The following RALGPS2 variants were observed in gnomAD, a reference collection of about 807,000 sequenced individuals.
The protein encoded by RALGPS2 is ras-specific guanine nucleotide-releasing factor RalGPS2.
In RALGPS2, 43 loss-of-function variants were observed where a neutral mutation model predicts 86.8. That is an observed-to-expected ratio of 0.50 (90% CI 0.39 to 0.64). RALGPS2 has a LOEUF of 0.64. RALGPS2 is among the 30% of genes least tolerant of loss of function. The pLI is 0.00. For missense variants in RALGPS2, 536 were observed against 694.6 expected, an observed-to-expected ratio of 0.77 and a Z score of 2.57; for synonymous variants, 243 against 231.3, an observed-to-expected ratio of 1.05 and a Z score of -0.46.
At chr1:178,785,495 A>G in intron 3 of RALGPS2, 62 bp from the exon 4 acceptor site, 2 of 1,478,704 alleles carry the variant, frequency 1.4e-6, no homozygotes, top group South Asian at 2.8e-5. Flanking sequence ...ATTTTAATTT[A>G]GGTTACATGT....
intron 16 of RALGPS2, among the ~76,000 whole-genome samples, chr1:178,896,807 CT>C (rs1258317932): frequency 6.7e-6 from 1 of 149,250 alleles, no homozygotes; most frequent in African/African-American, 2.5e-5. Flanking sequence ...TTTTTTATGG[CT>C]GCATAGTATT....
intron 8 of RALGPS2, among the ~76,000 whole-genome samples, chr1:178,863,751 A>G (rs1658190768): frequency 6.6e-6 from 1 of 152,214 alleles, no homozygotes; most frequent in African/African-American, 2.4e-5. Flanking sequence ...TAGAAGGAAG[A>G]AGATGCCAGT....
intron 8 of RALGPS2, among the ~76,000 whole-genome samples, chr1:178,864,682 C>G (rs1268191025): frequency 6.6e-6 from 1 of 152,056 alleles, no homozygotes; most frequent in Non-Finnish European, 1.5e-5. Context: ...TTATTCCTGT[C>G]TCAAGAATAG....
intron 8 of RALGPS2, among the ~76,000 whole-genome samples, chr1:178,834,022 T>A (rs1217890788): frequency 6.6e-6 from 1 of 152,194 alleles, no homozygotes; most frequent in African/African-American, 2.4e-5. Flanking sequence ...GACAGTTCTG[T>A]ATTTCGCATC....
At chr1:178,903,774 C>T (rs1480226229) in intron 18 of RALGPS2, among the ~76,000 whole-genome samples, 3 of 152,118 alleles carry the variant, frequency 2.0e-5, no homozygotes, top group Non-Finnish European at 4.4e-5. Flanking sequence ...GGGTTGGTTC[C>T]ATGATTTTGC....
chr1:178,727,984 C>T (rs536154573), intron 1 of RALGPS2, among the ~76,000 whole-genome samples: 2 of 152,108 alleles, frequency 1.3e-5, no homozygotes, highest in African/African-American at 4.8e-5. Flanking sequence ...TATTGCCTAG[C>T]GAACAAAAAC....
chr1:178,905,674 C>T (rs1032801951), intron 18 of RALGPS2, among the ~76,000 whole-genome samples: 3 of 152,084 alleles, frequency 2.0e-5, no homozygotes, highest in Non-Finnish European at 2.9e-5. Context: ...ATAAAAAGAA[C>T]TTAGGTCAAT....
chr1:178,800,140 T>A (rs372945662), intron 4 of RALGPS2, among the ~76,000 whole-genome samples: 6 of 152,100 alleles, frequency 3.9e-5, no homozygotes, highest in African/African-American at 1.4e-4. Flanking sequence ...AGGAAGAAGA[T>A]GTAGAAAAAG....
intron 8 of RALGPS2, among the ~76,000 whole-genome samples, chr1:178,855,672 C>T (rs911324204): frequency 2.6e-5 from 4 of 151,748 alleles, no homozygotes; most frequent in East Asian, 1.9e-4. Flanking sequence ...TCTTTGCATT[C>T]GTTATAAACA....
At chr1:178,751,892 G>A (rs536614888) in intron 1 of RALGPS2, among the ~76,000 whole-genome samples, 8 of 152,148 alleles carry the variant, frequency 5.3e-5, no homozygotes, top group Non-Finnish European at 1.2e-4. Context: ...AAAGACCAGA[G>A]GGATCTTTAC....
At chr1:178,786,955 G>A (rs1051206387) in intron 4 of RALGPS2, among the ~76,000 whole-genome samples, 6 of 151,782 alleles carry the variant, frequency 4.0e-5, no homozygotes, top group African/African-American at 1.2e-4. Flanking sequence ...CGAAATGATC[G>A]TCAGTTCCCA....
chr1:178,764,155 GGT>G (rs35671528), intron 1 of RALGPS2, among the ~76,000 whole-genome samples: 94,501 of 151,614 alleles, frequency 0.62, 30,074 homozygotes, highest in African/African-American at 0.77. Context: ...TCCTGTTTTG[GGT>G]GTGTGTATAT....
In RALGPS2 at chr1:178,883,474, T is replaced by A; in HGVS notation, c.845T>A (p.Leu282Ter). 6.2e-7 allele frequency: 1 copy of A among 1,611,392 alleles called. No individual in the cohort carries two copies. The highest frequency in any genetic ancestry group is 8.5e-7 in the Non-Finnish European group (1 of 1,177,528). The stretch of plus-strand genomic sequence containing the variant: ...GTCTTTTTAAAATTCAGGCTTTCAT[T>A]AAAGATAGAACCAGGGACAAGCACC... ...FVEDDNYKLS[L>*]KIEPGTSTPR... The change falls in exon 11 of 20, where the codon TTA (leucine) becomes TAA (stop). Residue 282 changes from leucine to a stop codon, truncating the protein, a stop_gained. Transcript: ENST00000367635. LOFTEE classifies it high-confidence loss of function.
At chr1:178,803,165 C>T (rs1221036535) in intron 4 of RALGPS2, among the ~76,000 whole-genome samples, 5 of 151,936 alleles carry the variant, frequency 3.3e-5, no homozygotes, top group Admixed American at 2.6e-4. Flanking sequence ...TCTTTGACCT[C>T]GTGATTTCTT....
chr1:178,817,319 T>C (rs1237845093), intron 6 of RALGPS2, among the ~76,000 whole-genome samples: 1 of 135,690 alleles, frequency 7.4e-6, no homozygotes, highest in Non-Finnish European at 1.5e-5. Flanking sequence ...CACTCCAGCC[T>C]GGGCGACAGA....
chr1:178,909,087 G>T (rs1226157898), intron 19 of RALGPS2, among the ~76,000 whole-genome samples: 1 of 152,140 alleles, frequency 6.6e-6, no homozygotes, highest in Non-Finnish European at 1.5e-5. Context: ...TGTATACAGT[G>T]TAAGGAAGGG....
At position 178,853,632 on chromosome 1, in the gene RALGPS2, C is replaced by T. The variant is rs141519919; in HGVS notation, c.607+20082C>T. On this transcript the variant is annotated intron_variant, in intron 8 of 19. Transcript: ENST00000367635. ...CAATTTCTGAAGAAGTTGACAGAGC[C>T]GTCTGTTCTTTTCTGAATAACAGTC... 2.1e-5 allele frequency: 33 copies of T among 1,605,918 alleles called. No homozygotes were observed. In the Admixed American group the frequency reaches 3.1e-4, roughly 15 times the overall value.
At chr1:178,730,068 G>A (rs1262551708) in intron 1 of RALGPS2, among the ~76,000 whole-genome samples, 1 of 151,988 alleles carries the variant, frequency 6.6e-6, no homozygotes. Flanking sequence ...CAGCTTCCCA[G>A]GTAGCTGGGG....
rs188553419 is a variant in RALGPS2 at position 178,831,008 on chromosome 1, A to G, written c.481-2416A>G. ...ACTATAGCTTCCCACAACTTCATGG[A>G]TGAAGCTTTAATATCACAATGTTAT... On this transcript the variant is annotated intron_variant, in intron 7 of 19. Transcript: ENST00000367635. Among the ~76,000 whole-genome samples, 268 of 152,358 alleles carry G rather than the reference A, an allele frequency of 1.8e-3. 1 individual carries two copies. Among genetic ancestry groups the G allele is most frequent in the Middle Eastern group, 3.4e-3 (1 of 294 alleles).
Sources: gnomAD v4.1 joint callset for allele counts (sites outside exome capture counted in the v4.1 genomes callset) on GRCh38, gnomAD v4.1.1 for gene constraint, MANE v1.5 for transcripts, NCBI Gene and HGNC (gene_info 2026-07-23, HGNC 2026-07-21) for gene names.